The following PHLPP1 variants were observed in gnomAD, a reference collection of about 807,000 sequenced individuals.
PHLPP1 encodes PH domain leucine-rich repeat-containing protein phosphatase 1.
PHLPP1 carries 42 observed loss-of-function variants against 117.2 expected under a neutral mutation model. The ratio of observed to expected loss-of-function variants is 0.36; its 90% CI spans 0.28 to 0.46. The LOEUF (loss-of-function observed/expected upper bound fraction) is 0.46, where lower values mean the gene tolerates loss of function less well. Ranked by LOEUF, PHLPP1 falls within the 20% of genes least tolerant of loss-of-function variation. The pLI, the probability that PHLPP1 is intolerant of heterozygous loss-of-function variation, is 1.00. For synonymous variants in PHLPP1, 1,042 were observed against 970.7 expected (o/e 1.07, Z -1.37); for missense variants, 2,084 against 2,241.9 (o/e 0.93, Z 1.42).
intron 1 of PHLPP1, among the ~76,000 whole-genome samples, chr18:62,787,800 G>T (rs1490336641): frequency 1.3e-5 from 2 of 152,148 alleles, no homozygotes; most frequent in East Asian, 1.9e-4. Flanking sequence ...GGGGGTGGGG[G>T]ATAGGAATAT....
At chr18:62,816,464 G>A (rs1191711053) in intron 1 of PHLPP1, among the ~76,000 whole-genome samples, 1 of 152,168 alleles carries the variant, frequency 6.6e-6, no homozygotes. Context: ...CTACTCAGGA[G>A]GCTAAGGCAG....
chr18:62,764,175 A>C (rs1409294035), intron 1 of PHLPP1, among the ~76,000 whole-genome samples: 17 of 151,236 alleles, frequency 1.1e-4, no homozygotes, highest in African/African-American at 3.6e-4. Context: ...AAAAAAAAAA[A>C]AAAAAAAACA....
At chr18:62,892,875 C>CAA (rs1214001726) in intron 4 of PHLPP1, among the ~76,000 whole-genome samples, 11 of 80,992 alleles carry the variant, frequency 1.4e-4, no homozygotes, top group South Asian at 3.9e-4. Context: ...GACTCCATCT[C>CAA]AAAAAAAAAA....
intron 3 of PHLPP1, among the ~76,000 whole-genome samples, chr18:62,858,621 G>T (rs1187793422): frequency 6.6e-6 from 1 of 152,048 alleles, no homozygotes; most frequent in African/African-American, 2.4e-5. Flanking sequence ...AGGAGAGTAT[G>T]AATTTTAGTG....
At chr18:62,727,615 CAA>C (rs71160863) in intron 1 of PHLPP1, among the ~76,000 whole-genome samples, 109 of 61,406 alleles carry the variant, frequency 1.8e-3, no homozygotes, top group African/African-American at 2.3e-3. Context: ...GACCCTGTCT[CAA>C]AAAAAAAAAA....
At chr18:62,766,394 G>A (rs891278393) in intron 1 of PHLPP1, among the ~76,000 whole-genome samples, 2 of 151,868 alleles carry the variant, frequency 1.3e-5, no homozygotes, top group African/African-American at 4.8e-5. Flanking sequence ...CCCTAGGGGA[G>A]GAGAAGTGAC....
chr18:62,949,095 G>C (rs1224240874), intron 12 of PHLPP1, among the ~76,000 whole-genome samples: 1 of 152,056 alleles, frequency 6.6e-6, no homozygotes, highest in Non-Finnish European at 1.5e-5. Context: ...CATTAACACT[G>C]TTTCTTGAAA....
intron 3 of PHLPP1, among the ~76,000 whole-genome samples, chr18:62,847,238 G>A (rs1177235609): frequency 6.6e-6 from 1 of 152,106 alleles, no homozygotes; most frequent in African/African-American, 2.4e-5. Flanking sequence ...CAGCTGTGTT[G>A]GAATTAGCCG....
rs761250873 is a variant in PHLPP1, at chr18:62,728,504, CTTTTT to C, written c.1576+11258_1576+11262del. 4.9e-3 allele frequency among the ~76,000 whole-genome samples: 672 copies of C among 137,954 alleles called. 4 individuals carry two copies. The highest frequency in any genetic ancestry group is 0.019 in the Middle Eastern group (5 of 264). The allele number at this position is 137,954 out of a possible 152,430, so 90.5% of individuals were successfully genotyped here. On this transcript the variant is annotated intron_variant, in intron 1 of 16. Coordinates refer to ENST00000262719, the MANE Select transcript of PHLPP1 (RefSeq NM_194449.4). ...TGAAGCACATATGGCTTATCTTTAT[CTTTTT>C]TTTTTTTTTTTTGAGACAGTGTCTC...
chr18:62,919,390 T>G (rs1391767014), intron 9 of PHLPP1, among the ~76,000 whole-genome samples: 4 of 152,174 alleles, frequency 2.6e-5, no homozygotes, highest in Admixed American at 2.0e-4. Flanking sequence ...AGTCTCTACC[T>G]TGGTCTAGGA....
At chr18:62,957,481 G>A (rs917512091) in intron 12 of PHLPP1, among the ~76,000 whole-genome samples, 4 of 151,868 alleles carry the variant, frequency 2.6e-5, no homozygotes, top group Non-Finnish European at 4.4e-5. Flanking sequence ...AGATTAGGCA[G>A]GCTTACCTGC....
At chr18:62,792,786 A>G (rs1398208704) in intron 1 of PHLPP1, among the ~76,000 whole-genome samples, 3 of 149,112 alleles carry the variant, frequency 2.0e-5, no homozygotes, top group African/African-American at 7.4e-5. Context: ...AGATTGCTTG[A>G]GCACAGGAGG....
intron 12 of PHLPP1, among the ~76,000 whole-genome samples, chr18:62,946,603 C>G (rs193213475): frequency 1.1e-4 from 16 of 152,192 alleles, no homozygotes; most frequent in African/African-American, 1.9e-4. Flanking sequence ...AGTTTTTACA[C>G]ATTTATATGG....
chr18:62,803,219 G>T (rs1913837269), intron 1 of PHLPP1, among the ~76,000 whole-genome samples: 1 of 152,114 alleles, frequency 6.6e-6, no homozygotes, highest in African/African-American at 2.4e-5. Flanking sequence ...TTTATCATTA[G>T]TTTTTCTAAA....
At chr18:62,739,323 T>C (rs1911454795) in intron 1 of PHLPP1, among the ~76,000 whole-genome samples, 1 of 152,220 alleles carries the variant, frequency 6.6e-6, no homozygotes, top group Non-Finnish European at 1.5e-5. Context: ...TATGTTTATA[T>C]GAAGGTCAGT....
intron 11 of PHLPP1, among the ~76,000 whole-genome samples, chr18:62,942,662 T>G (rs906741521): frequency 2.6e-5 from 4 of 152,172 alleles, no homozygotes; most frequent in Admixed American, 1.3e-4. Context: ...TTACCGTGTT[T>G]CCATTTCATT....
rs779836790 is a variant in PHLPP1 at position 62,838,867 on chromosome 18, T to C, written c.1857T>C (p.Asp619=). 1 of 1,613,938 alleles carries C rather than the reference T, an allele frequency of 6.2e-7. No individual in the cohort carries two copies. Among genetic ancestry groups the C allele is most frequent in the Non-Finnish European group, 8.5e-7 (1 of 1,179,824 alleles). The change falls in exon 3 of 17, where the codon GAT becomes GAC. Residue 619 remains aspartate (D), a synonymous_variant. Coordinates refer to ENST00000262719, the MANE Select transcript of PHLPP1 (RefSeq NM_194449.4). ...GCCAGACTTACTACATTTGCTTTGATACTTTCACAGAATACTTAAGGTGGC... is the reference window on the plus strand; with the variant it reads ...GCCAGACTTACTACATTTGCTTTGACACTTTCACAGAATACTTAAGGTGGC... ...PQSQTYYICF[D]TFTEYLRWLR...
At position 62,954,727 on chromosome 18, in the gene PHLPP1, A is replaced by T. The variant is rs963097899; in HGVS notation, c.3325-3902A>T. ...TTGCATTCTTATGTAGAAATAAACTATGATATTTAAAATGTATTAAAATTG... is the reference window on the plus strand; with the variant it reads ...TTGCATTCTTATGTAGAAATAAACTTTGATATTTAAAATGTATTAAAATTG... On this transcript the variant is annotated intron_variant, in intron 12 of 16. Coordinates refer to ENST00000262719, the MANE Select transcript of PHLPP1 (RefSeq NM_194449.4). Among the ~76,000 whole-genome samples, 3 of 152,236 alleles carry T rather than the reference A, an allele frequency of 2.0e-5. No individual in the cohort carries two copies. In the East Asian group the frequency reaches 5.8e-4, roughly 29 times the overall value.
intron 3 of PHLPP1, chr18:62,842,936 A>G (rs1022511565): frequency 6.6e-6 from 1 of 152,216 alleles, no homozygotes; most frequent in African/African-American, 2.4e-5. Flanking sequence ...TTAACCTAGC[A>G]TCTAGGGAGA....
Sources: allele counts gnomAD v4.1 joint callset (sites outside exome capture counted in the v4.1 genomes callset), GRCh38; gene constraint gnomAD v4.1.1; transcripts MANE v1.5; gene names NCBI Gene and HGNC (gene_info 2026-07-23, HGNC 2026-07-21).